The following RABEPK variants were observed in gnomAD, a reference collection of about 807,000 sequenced individuals.
RABEPK encodes the protein 40 kDa Rab9 effector protein.
In RABEPK, 27 loss-of-function variants were observed where a neutral mutation model predicts 34.1. The observed-to-expected ratio is 0.79, with a 90% CI of 0.58 to 1.09. RABEPK has a LOEUF of 1.09. Ranked by LOEUF, RABEPK falls within the 50% of genes least tolerant of loss-of-function variation. The probability of loss-of-function intolerance (pLI) is 0.00; values close to 1 mark genes in which losing one functional copy is unlikely to be tolerated. For missense variants in RABEPK, 449 were observed against 462.6 expected (o/e 0.97, Z 0.27); for synonymous variants, 172 against 169.2 (o/e 1.02, Z -0.13).
chr9:125,207,692 G>A lies in RABEPK; in HGVS notation c.182G>A (p.Ser61Asn), dbSNP rs772707185. 5 of 1,614,150 alleles carry A rather than the reference G, an allele frequency of 3.1e-6. No individual in the cohort carries two copies. The East Asian group carries it at 8.9e-5, about 29-fold the overall frequency. Residue 61 changes from serine (S) to asparagine (N), a missense_variant, in exon 3 of 8, where the codon AGC (serine) becomes AAC (asparagine). Transcript: ENST00000373538. ...FIVGGANPNRSFSDVHTMDLG... is the reference protein window; with the variant it reads ...FIVGGANPNRNFSDVHTMDLG... ...GTTGGGGGAGCAAATCCAAACAGAAGCTTCTCAGACGTGCACACCATGGAT... is the reference window on the plus strand; with the variant it reads ...GTTGGGGGAGCAAATCCAAACAGAAACTTCTCAGACGTGCACACCATGGAT...
At chr9:125,218,154 A>C (rs1251191896) in intron 4 of RABEPK, among the ~76,000 whole-genome samples, 1 of 151,210 alleles carries the variant, frequency 6.6e-6, no homozygotes, top group African/African-American at 2.4e-5. Flanking sequence ...TACTAAAAAA[A>C]AAAAAAATAC....
At chr9:125,218,682 A>C (rs367742566) in intron 4 of RABEPK, among the ~76,000 whole-genome samples, 1 of 152,060 alleles carries the variant, frequency 6.6e-6, no homozygotes, top group East Asian at 1.9e-4. Flanking sequence ...TTAAATTCCA[A>C]CTCAGCCATT....
intron 5 of RABEPK, among the ~76,000 whole-genome samples, chr9:125,222,840 T>G (rs1831447471): frequency 6.6e-6 from 1 of 152,146 alleles, no homozygotes; most frequent in Non-Finnish European, 1.5e-5. Context: ...AAATGATGAT[T>G]ATTATATAAA....
intron 4 of RABEPK, among the ~76,000 whole-genome samples, chr9:125,216,924 G>A (rs1429319846): frequency 4.7e-5 from 7 of 149,798 alleles, no homozygotes; most frequent in Admixed American, 3.4e-4. Context: ...CCGAGATCGC[G>A]CCACTGCACT....
chr9:125,214,448 A>G (rs916671750), intron 4 of RABEPK, among the ~76,000 whole-genome samples: 5 of 152,192 alleles, frequency 3.3e-5, no homozygotes, highest in Non-Finnish European at 7.3e-5. Context: ...GGATCCTCCT[A>G]GTATGTTTCT....
intron 5 of RABEPK, among the ~76,000 whole-genome samples, chr9:125,224,832 A>G (rs1296348452): frequency 1.3e-5 from 2 of 152,162 alleles, no homozygotes; most frequent in Non-Finnish European, 2.9e-5. Context: ...ACATAGTTAT[A>G]TAGTGAGATA....
chr9:125,206,535 G>A (rs976123547), intron 2 of RABEPK, among the ~76,000 whole-genome samples: 10 of 151,866 alleles, frequency 6.6e-5, no homozygotes, highest in Non-Finnish European at 1.3e-4. Flanking sequence ...TGGAATGACC[G>A]AATTCTGTAT....
Position 125,227,953 on chromosome 9 carries a change from A to C in RABEPK, c.570A>C (p.Pro190=). The change falls in exon 6 of 8, where the codon CCA becomes CCC. Residue 190 remains proline, a synonymous_variant. Transcript: ENST00000373538. The part of the protein sequence containing the change: ...WSQPETLGNP[P]SPRHGHVMVA... ...AGCCAGAGACACTTGGAAATCCTCC[A>C]TCTCCCCGGCATGGTCATGTGATGG... 6.2e-7 allele frequency: 1 copy of C among 1,607,872 alleles called. No individual in the cohort carries two copies. Among genetic ancestry groups the C allele is most frequent in the East Asian group, 2.3e-5 (1 of 44,362 alleles).
intron 2 of RABEPK, among the ~76,000 whole-genome samples, chr9:125,206,497 CA>C (rs34754516): frequency 4.7e-4 from 66 of 139,668 alleles, no homozygotes; most frequent in Admixed American, 4.3e-4. Context: ...GACTCCGTCT[CA>C]AAAAAAAAAA....
rs139394490 is a variant in RABEPK, at chr9:125,227,938, A to G, written c.555A>G (p.Thr185=). 7.5e-5 allele frequency: 120 copies of G among 1,607,016 alleles called. No homozygotes were observed. The highest frequency in any genetic ancestry group is 1.9e-4 in the Admixed American group (11 of 59,070). Reference sequence around the variant, plus strand: ...CTCTGACCTGGTCACAGCCAGAGACACTTGGAAATCCTCCATCTCCCCGGC... The same window carrying G: ...CTCTGACCTGGTCACAGCCAGAGACGCTTGGAAATCCTCCATCTCCCCGGC... The part of the protein sequence containing the change: ...ANTLTWSQPE[T]LGNPPSPRHG... The change falls in exon 6 of 8, where the codon ACA becomes ACG. Residue 185 remains threonine (T), a synonymous_variant. Coordinates refer to ENST00000373538, the MANE Select transcript of RABEPK (RefSeq NM_005833.4).
chr9:125,215,527 G>A (rs1285372170), intron 4 of RABEPK, among the ~76,000 whole-genome samples: 1 of 151,858 alleles, frequency 6.6e-6, no homozygotes, highest in East Asian at 1.9e-4. Flanking sequence ...GCCCAAGGTG[G>A]TCTCAAACTC....
intron 5 of RABEPK, among the ~76,000 whole-genome samples, chr9:125,227,629 C>G (rs1262413120): frequency 6.6e-6 from 1 of 151,676 alleles, no homozygotes; most frequent in Non-Finnish European, 1.5e-5. Context: ...CAGTGTTTCA[C>G]CATGTTGGCC....
At chr9:125,233,578 G>A (rs1216729181) in intron 7 of RABEPK, 110 bp from the exon 8 acceptor site, 19 of 1,143,872 alleles carry the variant, frequency 1.7e-5, no homozygotes, top group East Asian at 2.4e-5. Flanking sequence ...TCCTGACCTC[G>A]TGATCCACCC....
In RABEPK at chr9:125,233,914, GGT is replaced by G. The variant is rs868664457; in HGVS notation, c.1056_1057del (p.Phe353TrpfsTer11). Reference protein sequence around the residue: ...ESQTATLLCLVFGGMNTEGEI... With the variant: ...ESQTATLLCLXFGGMNTEGEI... ...GCCAGACTGCTACACTGCTCTGTTTGGTGTTTGGTGGGATGAATACAGAAGGG... is the reference window on the plus strand; with the variant it reads ...GCCAGACTGCTACACTGCTCTGTTTGGTTTGGTGGGATGAATACAGAAGGG... On this transcript the variant is annotated frameshift_variant, in exon 8 of 8. Coordinates refer to ENST00000373538, the MANE Select transcript of RABEPK (RefSeq NM_005833.4). LOFTEE classifies it high-confidence loss of function. The G allele has an allele frequency of 3.7e-6, 6 of 1,613,532 alleles. No individual in the cohort carries two copies. Among genetic ancestry groups the G allele is most frequent in the Non-Finnish European group, 5.1e-6 (6 of 1,179,632 alleles).
At chr9:125,231,725 TG>T (rs1227666418) in intron 6 of RABEPK, among the ~76,000 whole-genome samples, 1 of 150,134 alleles carries the variant, frequency 6.7e-6, no homozygotes, top group Non-Finnish European at 1.5e-5. Context: ...TGCTTGAACC[TG>T]GGAGTCAAGA....
chr9:125,207,780 C>G (rs1366562107), intron 3 of RABEPK, 59 bp downstream of exon 3: 1 of 1,584,296 alleles, frequency 6.3e-7, no homozygotes, highest in East Asian at 2.2e-5. Context: ...CTGTGTGCTG[C>G]TAGCCATGAG....
At chr9:125,212,636 G>A (rs1390125423) in intron 3 of RABEPK, among the ~76,000 whole-genome samples, 2 of 151,658 alleles carry the variant, frequency 1.3e-5, no homozygotes, top group Non-Finnish European at 2.9e-5. Context: ...AGATACAGGC[G>A]TGTTTCTTTC....
At chr9:125,209,646 G>A (rs114340309) in intron 3 of RABEPK, among the ~76,000 whole-genome samples, 164 of 151,738 alleles carry the variant, frequency 1.1e-3, no homozygotes, top group African/African-American at 3.8e-3. Context: ...CACCGAGCCC[G>A]GCCCCAACCT....
intron 1 of RABEPK, among the ~76,000 whole-genome samples, chr9:125,202,491 C>T (rs1829973573): frequency 6.6e-6 from 1 of 151,102 alleles, no homozygotes; most frequent in Non-Finnish European, 1.5e-5. Flanking sequence ...CACTGCACTC[C>T]AACCTGTGCA....
Sources: allele counts gnomAD v4.1 joint callset (sites outside exome capture counted in the v4.1 genomes callset), GRCh38; gene constraint gnomAD v4.1.1; transcripts MANE v1.5; gene names NCBI Gene and HGNC (gene_info 2026-07-23, HGNC 2026-07-21).